The following ADGRB3 variants were observed in gnomAD, a reference collection of about 807,000 sequenced individuals.
ADGRB3 encodes the protein adhesion G protein-coupled receptor B3, also known as brain-specific angiogenesis inhibitor 3.
In ADGRB3, 37 loss-of-function variants were observed where a neutral mutation model predicts 193.4. The observed-to-expected ratio is 0.19, with a 90% CI of 0.15 to 0.25. The LOEUF is 0.25. Ranked by LOEUF, ADGRB3 falls within the 10% of genes least tolerant of loss-of-function variation. The probability of loss-of-function intolerance (pLI) is 1.00; values close to 1 mark genes in which losing one functional copy is unlikely to be tolerated. For missense variants in ADGRB3, 1,637 were observed against 1,852.9 expected, an observed-to-expected ratio of 0.88 and a Z score of 2.14; for synonymous variants, 690 against 644.2, an observed-to-expected ratio of 1.07 and a Z score of -1.08.
At chr6:68,784,901 T>C (rs1024235381) in intron 3 of ADGRB3, among the ~76,000 whole-genome samples, 1 of 152,088 alleles carries the variant, frequency 6.6e-6, no homozygotes, top group Non-Finnish European at 1.5e-5. Context: ...TCATAGAGTT[T>C]AGTAGTGTTC....
intron 30 of ADGRB3, among the ~76,000 whole-genome samples, chr6:69,379,003 C>G (rs922773979): frequency 2.0e-5 from 3 of 152,070 alleles, no homozygotes; most frequent in South Asian, 2.1e-4. Context: ...ATAAGCTACT[C>G]AGGAAAGCAT....
intron 3 of ADGRB3, among the ~76,000 whole-genome samples, chr6:68,853,511 A>G (rs1453664809): frequency 1.3e-5 from 2 of 152,114 alleles, no homozygotes; most frequent in African/African-American, 4.8e-5. Context: ...GTTATTACAC[A>G]GAGAAGAAAA....
At chr6:69,362,278 C>T (rs867318874) in intron 29 of ADGRB3, among the ~76,000 whole-genome samples, 5 of 151,846 alleles carry the variant, frequency 3.3e-5, no homozygotes, top group South Asian at 4.1e-4. Flanking sequence ...TATTCATATA[C>T]GATGCAATAC....
intron 3 of ADGRB3, among the ~76,000 whole-genome samples, chr6:68,667,391 T>C (rs551016227): frequency 6.6e-6 from 1 of 152,068 alleles, no homozygotes; most frequent in African/African-American, 2.4e-5. Context: ...TGCTAATTCA[T>C]AGGTCTTCCC....
chr6:68,984,094 G>A (rs1769004871), intron 10 of ADGRB3, among the ~76,000 whole-genome samples: 1 of 152,092 alleles, frequency 6.6e-6, no homozygotes, highest in African/African-American at 2.4e-5. Context: ...AGAGAGCTGT[G>A]CCTTAAGGCC....
chr6:69,189,018 C>G (rs888356150), intron 17 of ADGRB3, among the ~76,000 whole-genome samples: 1 of 152,120 alleles, frequency 6.6e-6, no homozygotes, highest in Non-Finnish European at 1.5e-5. Context: ...CTTAATTAAA[C>G]AGGAAGTATT....
At chr6:68,916,036 C>A (rs1766868808) in intron 3 of ADGRB3, among the ~76,000 whole-genome samples, 2 of 151,696 alleles carry the variant, frequency 1.3e-5, no homozygotes, top group East Asian at 3.9e-4. Flanking sequence ...GCAGAAGAAG[C>A]AGCAGATGCA....
intron 3 of ADGRB3, among the ~76,000 whole-genome samples, chr6:68,894,422 G>A (rs981090921): frequency 1.3e-5 from 2 of 151,832 alleles, no homozygotes; most frequent in African/African-American, 4.8e-5. Context: ...TGAGTTACAA[G>A]GTATATGTCA....
intron 17 of ADGRB3, among the ~76,000 whole-genome samples, chr6:69,093,586 G>A (rs1772778803): frequency 6.6e-6 from 1 of 151,542 alleles, no homozygotes; most frequent in Non-Finnish European, 1.5e-5. Flanking sequence ...CCAAGGTTCA[G>A]GGAAAGAGAG....
intron 11 of ADGRB3, among the ~76,000 whole-genome samples, chr6:69,011,667 A>G (rs1769942302): frequency 6.6e-6 from 1 of 152,194 alleles, no homozygotes; most frequent in Non-Finnish European, 1.5e-5. Flanking sequence ...AAGAAAGAGA[A>G]GCTGAGATAT....
rs1438226850 is a variant in ADGRB3 at position 69,319,599 on chromosome 6, A to G, written c.2815-5273A>G. Among the ~76,000 whole-genome samples, 4 of 151,452 alleles carry G rather than the reference A, an allele frequency of 2.6e-5. No individual in the cohort carries two copies. In the East Asian group the frequency reaches 5.8e-4, roughly 22 times the overall value. On this transcript the variant is annotated intron_variant, in intron 20 of 31. Coordinates refer to ENST00000370598, the MANE Select transcript of ADGRB3 (RefSeq NM_001704.3). Reference sequence around the variant, plus strand: ...TTGCAGTTTTCTCAGTTTTTGCTTCATATACTTTGAAAAATTATTATTGTT... The same window carrying G: ...TTGCAGTTTTCTCAGTTTTTGCTTCGTATACTTTGAAAAATTATTATTGTT...
chr6:68,901,282 G>C (rs918967719), intron 3 of ADGRB3, among the ~76,000 whole-genome samples: 7 of 152,120 alleles, frequency 4.6e-5, no homozygotes, highest in African/African-American at 1.7e-4. Context: ...GCACACTCAT[G>C]TTGTTATATG....
At chr6:68,681,580 C>G (rs530493180) in intron 3 of ADGRB3, among the ~76,000 whole-genome samples, 1 of 152,212 alleles carries the variant, frequency 6.6e-6, no homozygotes, top group Non-Finnish European at 1.5e-5. Context: ...ACACCTGGCT[C>G]CATTGTGCCA....
At chr6:69,337,790 C>A (rs980709289) in intron 24 of ADGRB3, among the ~76,000 whole-genome samples, 1 of 152,090 alleles carries the variant, frequency 6.6e-6, no homozygotes, top group Non-Finnish European at 1.5e-5. Flanking sequence ...AAGTGAGTAC[C>A]CTTATTTAAA....
chr6:68,803,604 T>C (rs1767350818), intron 3 of ADGRB3, among the ~76,000 whole-genome samples: 1 of 152,204 alleles, frequency 6.6e-6, no homozygotes, highest in South Asian at 2.1e-4. Flanking sequence ...TGACTCTTCT[T>C]TTTCACTATC....
chr6:68,875,213 TC>T (rs1765564878), intron 3 of ADGRB3, among the ~76,000 whole-genome samples: 1 of 54,752 alleles, frequency 1.8e-5, no homozygotes, highest in African/African-American at 8.4e-5. Flanking sequence ...CCGGCCCCTC[TC>T]CTTCCCCCTT....
chr6:68,863,047 G>A (rs1424079634), intron 3 of ADGRB3, among the ~76,000 whole-genome samples: 1 of 152,026 alleles, frequency 6.6e-6, no homozygotes, highest in Non-Finnish European at 1.5e-5. Flanking sequence ...TGTTTTCCCT[G>A]AAGTTAATAA....
chr6:68,671,272 G>A (rs1768951878), intron 3 of ADGRB3, among the ~76,000 whole-genome samples: 1 of 151,818 alleles, frequency 6.6e-6, no homozygotes, highest in African/African-American at 2.4e-5. Context: ...ATTGCTCTAG[G>A]TAGGACTTCT....
At chr6:69,142,561 G>A (rs1229420547) in intron 17 of ADGRB3, among the ~76,000 whole-genome samples, 2 of 152,104 alleles carry the variant, frequency 1.3e-5, no homozygotes, top group Admixed American at 6.5e-5. Flanking sequence ...CATGTTTTTG[G>A]TTATAAGGTC....
Sources: allele counts gnomAD v4.1 joint callset (sites outside exome capture counted in the v4.1 genomes callset), GRCh38; gene constraint gnomAD v4.1.1; transcripts MANE v1.5; gene names NCBI Gene and HGNC (gene_info 2026-07-23, HGNC 2026-07-21).